Variants in HERC2 observed in about 807,000 individuals in gnomAD.
HERC2 encodes HECT and RLD domain containing E3 ubiquitin protein ligase 2, also known as E3 ubiquitin-protein ligase HERC2.
HERC2 carries 102 observed loss-of-function variants against 537.7 expected under a neutral mutation model. The ratio of observed to expected loss-of-function variants is 0.19; its 90% CI spans 0.16 to 0.22. The LOEUF is 0.22. HERC2 is among the 10% of genes least tolerant of loss of function. HERC2 has a pLI of 1.00. For missense variants in HERC2, 4,236 were observed against 6,198.2 expected (o/e 0.68, Z 10.63); for synonymous variants, 2,224 against 2,466.2 (o/e 0.90, Z 2.91).
rs761333779 is a variant in HERC2, at chr15:28,215,814, A to G, written c.6029-12T>C. 6.5e-7 allele frequency: 1 copy of G among 1,530,654 alleles called. No individual in the cohort carries two copies. The highest frequency in any genetic ancestry group is 9.0e-7 in the Non-Finnish European group (1 of 1,115,164). The allele number at this position is 1,530,654 out of a possible 1,614,324, so 94.8% of individuals were successfully genotyped here. Reference sequence around the variant, plus strand: ...CCTGTTTGGAGAAGCTGCAGGAGGGAAAATAGACATGCTTGGTAACAAGTC... The same window carrying G: ...CCTGTTTGGAGAAGCTGCAGGAGGGGAAATAGACATGCTTGGTAACAAGTC... On this transcript the variant is annotated splice_polypyrimidine_tract_variant and intron_variant, in intron 38 of 92. Transcript: ENST00000261609.
At chr15:28,227,978 T>C (rs759442055) in intron 35 of HERC2, among the ~76,000 whole-genome samples, 2 of 152,140 alleles carry the variant, frequency 1.3e-5, no homozygotes, top group Admixed American at 6.5e-5. Context: ...GACTGATGGC[T>C]AAATGGTGTG....
rs1304534145 is a variant in HERC2, at chr15:28,270,857, G to A, written c.1095C>T (p.Gly365=). The A allele has an allele frequency of 1.9e-6, 3 of 1,613,410 alleles. No individual in the cohort carries two copies. The Admixed American group carries it at 5.0e-5, about 27-fold the overall frequency. ...GGAAACTCTCATTGGGGCTCAGAGG[G>A]CCAGACAAAAGCTAGAAAGGAAAAG... ...HSEGDMHLLS[G]PLSPNESFLR... The change falls in exon 10 of 93, where the codon GGC becomes GGT. Residue 365 remains glycine, a synonymous_variant. Coordinates refer to ENST00000261609, the MANE Select transcript of HERC2 (RefSeq NM_004667.6).
At chr15:28,144,389 C>T (rs1891526544) in intron 72 of HERC2, among the ~76,000 whole-genome samples, 154 bp from the exon 73 acceptor site, 1 of 152,202 alleles carries the variant, frequency 6.6e-6, no homozygotes, top group African/African-American at 2.4e-5. Flanking sequence ...CGGTGAGACT[C>T]GCTCTTCACA....
intron 15 of HERC2, 28 bp from the exon 16 acceptor site, chr15:28,260,998 G>A (rs752692947): frequency 1.3e-6 from 2 of 1,567,480 alleles, no homozygotes; most frequent in Non-Finnish European, 8.7e-7. Flanking sequence ...TGCAGATGCA[G>A]CTTCAAGCCT....
rs1402547676 is a variant in HERC2, at chr15:28,238,610, C to T, written c.3740G>A (p.Ser1247Asn). ...AACAAGTGTAATCTTACCAAGAATACTATTTCCTGTTAACGACTGTGTCTG... is the reference window on the plus strand; with the variant it reads ...AACAAGTGTAATCTTACCAAGAATATTATTTCCTGTTAACGACTGTGTCTG... ...DFQTQSLTGN[S>N]ILAQFAGEDP... The change falls in exon 24 of 93, where the codon AGT (serine) becomes AAT (asparagine). Residue 1247 changes from serine (S) to asparagine (N), a missense_variant. Ser to Asn is a conservative substitution (Grantham distance 46, BLOSUM62 1). This residue lies in a region of HERC2 where 754 missense variants were observed against 1,085.0 expected (regional missense o/e 0.69). Transcript: ENST00000261609. 2 of 1,610,104 alleles carry T rather than the reference C, an allele frequency of 1.2e-6. No homozygotes were observed. The highest frequency in any genetic ancestry group is 8.5e-7 in the Non-Finnish European group (1 of 1,178,340).
chr15:28,186,618 C>G lies in HERC2; in HGVS notation c.8784G>C (p.Ser2928=). The G allele has an allele frequency of 6.2e-7, 1 of 1,614,034 alleles. No individual in the cohort carries two copies. Among genetic ancestry groups the G allele is most frequent in the Non-Finnish European group, 8.5e-7 (1 of 1,179,990 alleles). ...EDLAAVPFLA[S]DNEEEEDEKG... is the part of the protein sequence containing the mutation. The stretch of plus-strand genomic sequence containing the variant: ...TCTCATCCTCCTCCTCTTCATTATC[C>G]GAAGCTAAGAAAGGAACTGCAGCCA... Residue 2928 remains serine (S), a synonymous_variant, in exon 56 of 93, where the codon TCG becomes TCC. Coordinates refer to ENST00000261609, the MANE Select transcript of HERC2 (RefSeq NM_004667.6).
chr15:28,169,458 T>C (rs539803743), intron 66 of HERC2, 26 bp downstream of exon 66: 1 of 1,519,970 alleles, frequency 6.6e-7, no homozygotes, highest in Admixed American at 2.1e-5. Flanking sequence ...AATTGCAGAA[T>C]TTCAAAAATT....
At chr15:28,290,548 CA>C (rs1310069365) in intron 4 of HERC2, among the ~76,000 whole-genome samples, 9 of 152,266 alleles carry the variant, frequency 5.9e-5, no homozygotes, top group Non-Finnish European at 1.5e-5. Flanking sequence ...ATTATGTGTG[CA>C]TGAAACATTC....
chr15:28,208,419 C>A (rs1314569352), intron 44 of HERC2, among the ~76,000 whole-genome samples: 1 of 152,100 alleles, frequency 6.6e-6, no homozygotes, highest in African/African-American at 2.4e-5. Context: ...TTTCCCTTTT[C>A]ATGCCTTCCC....
chr15:28,247,467 C>T (rs1239369432), intron 21 of HERC2, among the ~76,000 whole-genome samples: 10 of 124,512 alleles, frequency 8.0e-5, no homozygotes, highest in Admixed American at 3.2e-4. Context: ...TCACTCTTGT[C>T]GCCCAGGCTG....
chr15:28,222,992 T>A (rs573839301), intron 35 of HERC2, among the ~76,000 whole-genome samples: 1 of 152,206 alleles, frequency 6.6e-6, no homozygotes, highest in African/African-American at 2.4e-5. Flanking sequence ...TTTTTCATGA[T>A]TTTGCTCTGT....
chr15:28,263,601 G>A (rs909578724), intron 14 of HERC2, among the ~76,000 whole-genome samples: 4 of 135,506 alleles, frequency 3.0e-5, no homozygotes, highest in Admixed American at 2.1e-4. Context: ...GTTCCCAACT[G>A]CATATCAGCA....
intron 52 of HERC2, among the ~76,000 whole-genome samples, chr15:28,194,961 C>A (rs1469787554): frequency 6.6e-6 from 1 of 151,220 alleles, no homozygotes; most frequent in Admixed American, 6.6e-5. Flanking sequence ...GAGGCTGATG[C>A]AGGAGAATTG....
In HERC2 at chr15:28,192,187, G is replaced by C. The variant is rs772676283; in HGVS notation, c.8261-36C>G. ...ATAGTCAAAAAGAGAATTAACCCTT[G>C]CTGAACTGGGGAGAAACATCATGAT... On this transcript the variant is annotated intron_variant, in intron 52 of 92. Transcript: ENST00000261609. 6 of 1,537,746 alleles carry C rather than the reference G, an allele frequency of 3.9e-6. No individual in the cohort carries two copies. The East Asian group carries it at 1.4e-4, about 35-fold the overall frequency.
chr15:28,158,748 TATTATTATGTGTGAATTTGATCCTGTC>T (rs1893274720), intron 69 of HERC2, among the ~76,000 whole-genome samples: 1 of 152,236 alleles, frequency 6.6e-6, no homozygotes, highest in Non-Finnish European at 1.5e-5. Flanking sequence ...TTAAGGTTAA[TATTATTATGTGTGAATTTGATCCTGTC>T]ATTATGATGT....
intron 2 of HERC2, among the ~76,000 whole-genome samples, chr15:28,303,247 T>C (rs1317734220): frequency 6.6e-6 from 1 of 152,258 alleles, no homozygotes; most frequent in Non-Finnish European, 1.5e-5. Flanking sequence ...CCCAGCACCA[T>C]TTATCAATGA....
chr15:28,285,443 T>C (rs1307898923), intron 4 of HERC2, among the ~76,000 whole-genome samples: 1 of 152,000 alleles, frequency 6.6e-6, no homozygotes, highest in African/African-American at 2.4e-5. Context: ...TTCTAAATAA[T>C]CCATGGATCA....
chr15:28,293,945 A>G lies in HERC2; in HGVS notation c.188-923T>C, dbSNP rs552828795. On this transcript the variant is annotated intron_variant, in intron 3 of 92. Coordinates refer to ENST00000261609, the MANE Select transcript of HERC2 (RefSeq NM_004667.6). ...CTAACCTTAACCTTGAAGTGTAAAC[A>G]CGTTCCATCACAGAAGGCTGTGACT... Among the ~76,000 whole-genome samples, 4 of 152,386 alleles carry G rather than the reference A, an allele frequency of 2.6e-5. No homozygotes were observed. In the East Asian group the frequency reaches 7.7e-4, roughly 29 times the overall value.
chr15:28,240,146 C>T (rs1431367652), intron 23 of HERC2, among the ~76,000 whole-genome samples: 1 of 152,072 alleles, frequency 6.6e-6, no homozygotes, highest in Non-Finnish European at 1.5e-5. Context: ...TCAGAGGGCG[C>T]AGTGGCTCAC....
Sources: gnomAD v4.1 joint callset for allele counts (sites outside exome capture counted in the v4.1 genomes callset) on GRCh38, gnomAD v4.1.1 for gene constraint, gnomAD v4.1.1 regional missense constraint, MANE v1.5 for transcripts, NCBI Gene and HGNC (gene_info 2026-07-23, HGNC 2026-07-21) for gene names.